Variants in OSBP2 observed in about 807,000 individuals in gnomAD.
OSBP2 encodes oxysterol binding protein 2.
OSBP2 carries 66 observed loss-of-function variants against 96.0 expected under a neutral mutation model. That is an observed-to-expected ratio of 0.69 (90% CI 0.56 to 0.84). OSBP2 has a LOEUF of 0.84. OSBP2 is among the 40% of genes least tolerant of loss of function. The pLI is 0.00. For missense variants in OSBP2, 1,038 were observed against 1,222.7 expected (o/e 0.85, Z 2.25); for synonymous variants, 525 against 520.9 (o/e 1.01, Z -0.11).
At chr22:30,901,299 C>A (rs1159343946) in intron 12 of OSBP2, among the ~76,000 whole-genome samples, 1 of 152,048 alleles carries the variant, frequency 6.6e-6, no homozygotes, top group Non-Finnish European at 1.5e-5. Context: ...AAATTCCTGA[C>A]CTCAGGTGAT....
chr22:30,694,413 C>T, upstream of OSBP2: 1 of 1,446,774 alleles, frequency 6.9e-7, no homozygotes, highest in Non-Finnish European at 9.1e-7. Flanking sequence ...GTGCGCATTT[C>T]GTGGCCTCTG....
At chr22:30,803,589 T>C (rs1326709129) in intron 2 of OSBP2, among the ~76,000 whole-genome samples, 2 of 152,226 alleles carry the variant, frequency 1.3e-5, no homozygotes, top group African/African-American at 4.8e-5. Flanking sequence ...GCCAGCCATC[T>C]TTTAGCAGGG....
At chr22:30,896,822 A>T (rs918703485) in intron 12 of OSBP2, among the ~76,000 whole-genome samples, 1 of 151,878 alleles carries the variant, frequency 6.6e-6, no homozygotes, top group Non-Finnish European at 1.5e-5. Flanking sequence ...ATTTTTAAAA[A>T]TTTTTTATAG....
chr22:30,735,590 C>T (rs553037837), intron 1 of OSBP2, among the ~76,000 whole-genome samples: 5 of 151,318 alleles, frequency 3.3e-5, no homozygotes, highest in Non-Finnish European at 5.9e-5. Flanking sequence ...GAATTACAGG[C>T]GTGAGCCACT....
rs757904808 is a variant in OSBP2, at chr22:30,695,464, C to G, written c.555C>G (p.Phe185Leu). 6.2e-7 allele frequency: 1 copy of G among 1,613,524 alleles called. No individual in the cohort carries two copies. The highest frequency in any genetic ancestry group is 1.1e-5 in the South Asian group (1 of 91,084). ...TGGCCTTACTGCCTCTGGACAGCTT[C>G]GAGGGCTGGCTTCTCAAGTGGACCA... ...APLALLPLDSFEGWLLKWTNY... is the reference protein window; with the variant it reads ...APLALLPLDSLEGWLLKWTNY... Residue 185 changes from phenylalanine to leucine, a missense_variant, in exon 1 of 14, where the codon TTC (phenylalanine) becomes TTG (leucine). By Grantham distance (22) the Phe-to-Leu change is conservative. Transcript: ENST00000332585.
chr22:30,710,100 G>A (rs567522020), intron 1 of OSBP2, among the ~76,000 whole-genome samples: 11 of 152,044 alleles, frequency 7.2e-5, no homozygotes, highest in African/African-American at 2.2e-4. Flanking sequence ...TGGCCAGGCC[G>A]GTCTTGAACT....
At chr22:30,775,922 G>A (rs2090428436) in intron 2 of OSBP2, among the ~76,000 whole-genome samples, 1 of 151,228 alleles carries the variant, frequency 6.6e-6, no homozygotes, top group Non-Finnish European at 1.5e-5. Context: ...TCAGCCTCCC[G>A]AGTAGTGGGA....
intron 12 of OSBP2, among the ~76,000 whole-genome samples, chr22:30,895,476 G>T (rs111903506): frequency 9.9e-5 from 15 of 152,258 alleles, no homozygotes; most frequent in African/African-American, 3.6e-4. Context: ...TTTAGTCAAG[G>T]ATAAAGAATT....
Position 30,893,539 on chromosome 22 carries a change from C to T in OSBP2, c.2067C>T (p.Ile689=). ...AGAGCACCTCAACTGTTCACAACAT[C>T]ATCGTGGGCAAGCTCTGGATCGACC... is the stretch of plus-strand genomic sequence containing the variant. ...WRKSTSTVHN[I]IVGKLWIDQS... Residue 689 remains isoleucine (I), a synonymous_variant, in exon 10 of 14, where the codon ATC becomes ATT. Coordinates refer to ENST00000332585, the MANE Select transcript of OSBP2 (RefSeq NM_030758.4). The T allele has an allele frequency of 6.2e-7, 1 of 1,614,174 alleles. No individual in the cohort carries two copies. The highest frequency in any genetic ancestry group is 8.5e-7 in the Non-Finnish European group (1 of 1,179,998).
At chr22:30,852,129 C>CT (rs2038989305) in intron 2 of OSBP2, among the ~76,000 whole-genome samples, 1 of 152,040 alleles carries the variant, frequency 6.6e-6, no homozygotes, top group South Asian at 2.1e-4. Flanking sequence ...TGTAGTTTTT[C>CT]TTGTGATGTC....
At chr22:30,758,263 G>A (rs1320764566) in intron 2 of OSBP2, among the ~76,000 whole-genome samples, 1 of 152,066 alleles carries the variant, frequency 6.6e-6, no homozygotes, top group Non-Finnish European at 1.5e-5. Context: ...TTAGCCGGGT[G>A]TGGTGGCGCA....
chr22:30,719,521 A>T (rs1170785118), intron 1 of OSBP2, among the ~76,000 whole-genome samples: 1 of 152,078 alleles, frequency 6.6e-6, no homozygotes, highest in Non-Finnish European at 1.5e-5. Context: ...TTGGGAGGCC[A>T]AGGTGAGTGG....
intron 3 of OSBP2, chr22:30,872,668 C>G (rs1323999594): frequency 1.1e-5 from 4 of 348,428 alleles, no homozygotes; most frequent in Non-Finnish European, 1.7e-5. Context: ...CCATGAGGGC[C>G]CCTCCCCAAG....
At chr22:30,827,959 C>T (rs1693481818) in intron 2 of OSBP2, among the ~76,000 whole-genome samples, 1 of 152,194 alleles carries the variant, frequency 6.6e-6, no homozygotes, top group Non-Finnish European at 1.5e-5. Context: ...AGAGCCTGCA[C>T]CCCCAGCATT....
chr22:30,829,387 G>T lies in OSBP2; in HGVS notation c.854-41042G>T, dbSNP rs113251921. 6.8e-3 allele frequency among the ~76,000 whole-genome samples: 1,041 copies of T among 152,306 alleles called. 14 individuals carry two copies. Among genetic ancestry groups the T allele is most frequent in the Admixed American group, 0.013 (192 of 15,308 alleles). ...GGCTCACTGCAACCTCTGCCTCCCG[G>T]GTTCAAGCTGTTCTCCTGCATCAGC... On this transcript the variant is annotated intron_variant, in intron 2 of 13. Coordinates refer to ENST00000332585, the MANE Select transcript of OSBP2 (RefSeq NM_030758.4).
At chr22:30,780,881 T>A (rs980302929) in intron 2 of OSBP2, among the ~76,000 whole-genome samples, 5 of 152,184 alleles carry the variant, frequency 3.3e-5, no homozygotes, top group Non-Finnish European at 5.9e-5. Flanking sequence ...TGTAAAAACC[T>A]CCAGTGGGGT....
At chr22:30,885,127 GTGTCACAGGT>G (rs1217812380) in intron 3 of OSBP2, among the ~76,000 whole-genome samples, 4 of 152,168 alleles carry the variant, frequency 2.6e-5, no homozygotes, top group Non-Finnish European at 5.9e-5. Flanking sequence ...CCTTGTCCCT[GTGTCACAGGT>G]GAGGACTGGT....
At chr22:30,774,404 GAGCATT>G (rs1234162931) in intron 2 of OSBP2, among the ~76,000 whole-genome samples, 1 of 152,194 alleles carries the variant, frequency 6.6e-6, no homozygotes, top group Non-Finnish European at 1.5e-5. Context: ...TCATTGTGGA[GAGCATT>G]GTCATTGGAG....
intron 1 of OSBP2, among the ~76,000 whole-genome samples, chr22:30,727,527 G>C (rs2089670687): frequency 6.6e-6 from 1 of 152,122 alleles, no homozygotes; most frequent in African/African-American, 2.4e-5. Flanking sequence ...TGGACAGCGA[G>C]CTCTGTGGAC....
Sources: gnomAD v4.1 joint callset for allele counts (sites outside exome capture counted in the v4.1 genomes callset) on GRCh38, gnomAD v4.1.1 for gene constraint, MANE v1.5 for transcripts, NCBI Gene and HGNC (gene_info 2026-07-23, HGNC 2026-07-21) for gene names.